The following FAM120B variants were observed in gnomAD, a reference collection of about 807,000 sequenced individuals.
FAM120B encodes family with sequence similarity 120 member B, also known as constitutive coactivator of peroxisome proliferator-activated receptor gamma.
Under a neutral mutation model 96.3 loss-of-function variants are expected in FAM120B, and 83 were observed. That is an observed-to-expected ratio of 0.86 (90% confidence interval 0.72 to 1.03). The LOEUF (loss-of-function observed/expected upper bound fraction) is 1.03. Among genes scored for constraint, FAM120B ranks in the 50% least tolerant of loss-of-function variants. The probability of loss-of-function intolerance (pLI) is 0.00; values close to 1 mark genes in which losing one functional copy is unlikely to be tolerated. For missense variants in FAM120B, 1,027 were observed against 1,121.2 expected (o/e 0.92, Z 1.20); for synonymous variants, 407 against 402.7 (o/e 1.01, Z -0.13).
chr6:170,304,787 C>T (rs546835021), upstream of FAM120B, among the ~76,000 whole-genome samples: 2 of 152,074 alleles, frequency 1.3e-5, no homozygotes, highest in Admixed American at 1.3e-4. Context: ...TCTTCTAACC[C>T]TTTGTCAGAT....
intron 1 of FAM120B, 91 bp from the exon 2 acceptor site, chr6:170,317,279 G>T: frequency 9.8e-7 from 1 of 1,018,176 alleles, no homozygotes; most frequent in East Asian, 2.4e-5. Flanking sequence ...TTTGGAAACA[G>T]TGTGAATATT....
intron 1 of FAM120B, among the ~76,000 whole-genome samples, chr6:170,311,410 A>G (rs1784583421): frequency 6.6e-6 from 1 of 152,216 alleles, no homozygotes; most frequent in Non-Finnish European, 1.5e-5. Flanking sequence ...AAATTTATAA[A>G]TACAATTGCA....
chr6:170,398,604 A>G (rs1245244629), intron 9 of FAM120B, among the ~76,000 whole-genome samples: 1 of 135,902 alleles, frequency 7.4e-6, no homozygotes, highest in African/African-American at 2.9e-5. Context: ...AGGTAGAACT[A>G]TGTCTTAACT....
intron 1 of FAM120B, among the ~76,000 whole-genome samples, chr6:170,307,660 G>A (rs1413309168): frequency 1.3e-5 from 2 of 152,196 alleles, no homozygotes; most frequent in Non-Finnish European, 2.9e-5. Context: ...GTTAGGGATG[G>A]GGAATGGCAG....
At chr6:170,291,408 G>A (rs1383735803), upstream of FAM120B, among the ~76,000 whole-genome samples, 1 of 152,026 alleles carries the variant, frequency 6.6e-6, no homozygotes, top group Non-Finnish European at 1.5e-5. Context: ...TGCGCCGACA[G>A]CGTCCCGGGG....
chr6:170,392,471 G>T (rs1790528891), intron 8 of FAM120B, among the ~76,000 whole-genome samples: 1 of 152,186 alleles, frequency 6.6e-6, no homozygotes, highest in Non-Finnish European at 1.5e-5. Context: ...AAACCAATTT[G>T]GTAGATGAAA....
chr6:170,389,447 G>A (rs1010715845), intron 7 of FAM120B, among the ~76,000 whole-genome samples: 3 of 152,030 alleles, frequency 2.0e-5, no homozygotes, highest in African/African-American at 4.8e-5. Flanking sequence ...CAAACTTATG[G>A]TTAGGTAGGG....
chr6:170,355,157 G>A (rs1787823573), intron 5 of FAM120B, among the ~76,000 whole-genome samples: 1 of 152,050 alleles, frequency 6.6e-6, no homozygotes, highest in South Asian at 2.1e-4. Context: ...GGAAGACAGT[G>A]TTGTGATTCC....
chr6:170,293,274 T>C (rs1038345124), upstream of FAM120B, among the ~76,000 whole-genome samples: 3 of 152,126 alleles, frequency 2.0e-5, no homozygotes, highest in African/African-American at 7.2e-5. Flanking sequence ...ATCCTCTGCC[T>C]GCAACACTGA....
At chr6:170,351,621 A>G (rs555640478) in intron 5 of FAM120B, among the ~76,000 whole-genome samples, 2 of 152,332 alleles carry the variant, frequency 1.3e-5, no homozygotes, top group East Asian at 3.9e-4. Flanking sequence ...TACAAGCCAG[A>G]AGAGATTGAG....
intron 6 of FAM120B, among the ~76,000 whole-genome samples, chr6:170,376,960 G>C (rs145571102): frequency 0.18 from 21,206 of 116,680 alleles, 2,152 homozygotes; most frequent in East Asian, 0.7. Flanking sequence ...ACGAGCTCAG[G>C]GCTGCTCTGT....
chr6:170,381,262 T>G (rs2115286907), intron 6 of FAM120B, among the ~76,000 whole-genome samples: 1 of 152,274 alleles, frequency 6.6e-6, no homozygotes, highest in African/African-American at 2.4e-5. Context: ...TAAACAACTC[T>G]ACACACATGC....
At chr6:170,401,771 C>T (rs1364391238) in intron 9 of FAM120B, among the ~76,000 whole-genome samples, 2 of 152,192 alleles carry the variant, frequency 1.3e-5, no homozygotes, top group South Asian at 2.1e-4. Context: ...TTCGGATATT[C>T]AGATTAGGGT....
intron 4 of FAM120B, among the ~76,000 whole-genome samples, chr6:170,342,808 T>C (rs1786923726): frequency 6.6e-6 from 1 of 152,234 alleles, no homozygotes. Context: ...GCTTGTTTTG[T>C]CTCTAAGTTC....
At position 170,391,089 on chromosome 6, in the gene FAM120B, C is replaced by G. The variant is rs754051167; in HGVS notation, c.2567C>G (p.Thr856Ser). 2.5e-6 allele frequency: 4 copies of G among 1,614,182 alleles called. No individual in the cohort carries two copies. The South Asian group carries it at 4.4e-5, about 18-fold the overall frequency. Residue 856 changes from threonine (T) to serine (S), a missense_variant, in exon 8 of 11, where the codon ACT (threonine) becomes AGT (serine). Thr to Ser is a moderately conservative substitution (Grantham distance 58). Coordinates refer to ENST00000476287, the MANE Select transcript of FAM120B (RefSeq NM_032448.3). Reference sequence around the variant, plus strand: ...TGCATGAAGGAGAACAGACGCATCACTGGCCGAGCCCACTGGGGCTCACAC... The same window carrying G: ...TGCATGAAGGAGAACAGACGCATCAGTGGCCGAGCCCACTGGGGCTCACAC... The part of the protein sequence containing the change: ...KACMKENRRI[T>S]GRAHWGSHHA...
intron 9 of FAM120B, among the ~76,000 whole-genome samples, chr6:170,401,684 C>A (rs1401289695): frequency 3.3e-5 from 5 of 152,198 alleles, no homozygotes; most frequent in African/African-American, 1.2e-4. Flanking sequence ...GTCTGAGATC[C>A]AGAATGCTCC....
At position 170,350,673 on chromosome 6, in the gene FAM120B, C is replaced by T. The variant is rs866006598; in HGVS notation, c.2190+2350C>T. Reference sequence around the variant, plus strand: ...TGAGGCAACTGGCATCTGGAGTAGACCGCCAGCAAATGGCAACAGCCCTAC... The same window carrying T: ...TGAGGCAACTGGCATCTGGAGTAGATCGCCAGCAAATGGCAACAGCCCTAC... On this transcript the variant is annotated intron_variant, in intron 5 of 10. Coordinates refer to ENST00000476287, the MANE Select transcript of FAM120B (RefSeq NM_032448.3). Among the ~76,000 whole-genome samples the T allele has an allele frequency of 4.6e-5, 7 of 152,318 alleles. No homozygotes were observed. In the Middle Eastern group the frequency reaches 0.01, roughly 222 times the overall value.
rs1790345290 is a variant in FAM120B, at chr6:170,389,041, C to T, written c.2490+548C>T. Among the ~76,000 whole-genome samples the T allele has an allele frequency of 2.6e-5, 4 of 152,236 alleles. No homozygotes were observed. The South Asian group carries it at 8.3e-4, about 32-fold the overall frequency. On this transcript the variant is annotated intron_variant, in intron 7 of 10. Coordinates refer to ENST00000476287, the MANE Select transcript of FAM120B (RefSeq NM_032448.3). ...TGTCCATTAAATGGAGGTGATCATC[C>T]TCACATTGAGTGGGCTGAGAAGGAG...
intron 1 of FAM120B, among the ~76,000 whole-genome samples, chr6:170,299,247 T>C (rs983707336): frequency 5.3e-5 from 8 of 152,246 alleles, no homozygotes; most frequent in Non-Finnish European, 1.2e-4. Flanking sequence ...AATATAGGCT[T>C]ACTCATCATT....
Sources: allele counts gnomAD v4.1 joint callset (sites outside exome capture counted in the v4.1 genomes callset), GRCh38; gene constraint gnomAD v4.1.1; transcripts MANE v1.5; gene names NCBI Gene and HGNC (gene_info 2026-07-23, HGNC 2026-07-21).